SCLT1: variants seen among roughly 807,000 people sequenced by gnomAD.
SCLT1 encodes sodium channel-associated protein 1.
SCLT1 carries 78 observed loss-of-function variants against 112.8 expected under a neutral mutation model. The observed-to-expected ratio is 0.69, with a 90% CI of 0.58 to 0.83. SCLT1 has a LOEUF of 0.83. Ranked by LOEUF, SCLT1 falls within the 40% of genes least tolerant of loss-of-function variation. SCLT1 has a pLI of 0.00. For synonymous variants in SCLT1, 257 were observed against 254.7 expected (o/e 1.01, Z -0.09); for missense variants, 747 against 770.4 (o/e 0.97, Z 0.36).
At chr4:128,961,592 C>T (rs576330120) in intron 11 of SCLT1, among the ~76,000 whole-genome samples, 13 of 152,214 alleles carry the variant, frequency 8.5e-5, no homozygotes, top group African/African-American at 2.2e-4. Context: ...CACATCAAAA[C>T]CCTCTTCCTG....
intron 9 of SCLT1, among the ~76,000 whole-genome samples, chr4:128,991,535 C>A (rs1742568631): frequency 6.6e-6 from 1 of 151,530 alleles, no homozygotes; most frequent in Non-Finnish European, 1.5e-5. Flanking sequence ...AATAAAAAAA[C>A]CCACAGAATG....
chr4:128,942,223 T>C (rs1232031498), intron 17 of SCLT1, among the ~76,000 whole-genome samples: 1 of 152,090 alleles, frequency 6.6e-6, no homozygotes, highest in Non-Finnish European at 1.5e-5. Context: ...AGGCATTCAA[T>C]AAATTTATGT....
intron 18 of SCLT1, among the ~76,000 whole-genome samples, chr4:128,932,155 C>A (rs1388601318): frequency 6.6e-6 from 1 of 151,974 alleles, no homozygotes. Flanking sequence ...TAATTCATGA[C>A]AATAATAGAT....
intron 5 of SCLT1, 47 bp downstream of exon 5, chr4:129,038,994 T>C (rs765357111): frequency 2.4e-5 from 27 of 1,135,406 alleles, no homozygotes; most frequent in Non-Finnish European, 3.6e-5. Context: ...AAATAAAAGT[T>C]ACCTAAGACA....
chr4:128,933,557 T>A (rs1302785528), intron 18 of SCLT1, among the ~76,000 whole-genome samples: 3 of 152,098 alleles, frequency 2.0e-5, no homozygotes, highest in African/African-American at 7.2e-5. Flanking sequence ...TATCTTGTAC[T>A]CTCCTGTCCC....
At chr4:129,033,502 T>TAAAAAAAAAAAAA (rs56325033) in intron 5 of SCLT1, among the ~76,000 whole-genome samples, 6 of 44,310 alleles carry the variant, frequency 1.4e-4, no homozygotes, top group Non-Finnish European at 1.7e-4. Flanking sequence ...GAACTTAAAG[T>TAAAAAAAAAAAAA]AAAAAAAAAA....
At chr4:129,072,264 T>A (rs867368618) in intron 2 of SCLT1, among the ~76,000 whole-genome samples, 1 of 152,172 alleles carries the variant, frequency 6.6e-6, no homozygotes, top group Admixed American at 6.6e-5. Context: ...TAACTTTGGA[T>A]AACCTGATGA....
intron 5 of SCLT1, among the ~76,000 whole-genome samples, chr4:129,028,170 A>G (rs1319619419): frequency 6.6e-6 from 1 of 152,208 alleles, no homozygotes; most frequent in Non-Finnish European, 1.5e-5. Context: ...GAACTGGAAA[A>G]AACTACTTGA....
intron 5 of SCLT1, among the ~76,000 whole-genome samples, chr4:129,007,781 C>T (rs1744159984): frequency 6.6e-6 from 1 of 152,032 alleles, no homozygotes; most frequent in African/African-American, 2.4e-5. Flanking sequence ...TCCTATATGT[C>T]TTGACTTTAA....
intron 9 of SCLT1, among the ~76,000 whole-genome samples, chr4:128,974,826 CA>C (rs1433494448): frequency 6.6e-6 from 1 of 151,496 alleles, no homozygotes; most frequent in Non-Finnish European, 1.5e-5. Flanking sequence ...AACAGTTTAA[CA>C]AAAAAATTTT....
intron 18 of SCLT1, among the ~76,000 whole-genome samples, chr4:128,919,290 A>T (rs1281034562): frequency 6.6e-6 from 1 of 152,198 alleles, no homozygotes; most frequent in Non-Finnish European, 1.5e-5. Context: ...CATATGATTA[A>T]TGGAAATTAA....
intron 18 of SCLT1, among the ~76,000 whole-genome samples, chr4:128,928,524 C>T (rs193201186): frequency 2.1e-4 from 32 of 152,182 alleles, no homozygotes; most frequent in Admixed American, 2.0e-3. Context: ...TCACCCCAAA[C>T]AATGCAGCAA....
chr4:128,933,866 A>G (rs1056244066), intron 18 of SCLT1, among the ~76,000 whole-genome samples: 9 of 152,018 alleles, frequency 5.9e-5, no homozygotes, highest in Admixed American at 1.3e-4. Flanking sequence ...CACCACCATG[A>G]ATATTATTTC....
chr4:128,876,900 T>C (rs1187523319), intron 3 of SCLT1, among the ~76,000 whole-genome samples: 1 of 152,200 alleles, frequency 6.6e-6, no homozygotes, highest in African/African-American at 2.4e-5. Flanking sequence ...CACAGCCAAA[T>C]AGTGATCAAG....
chr4:129,083,712 T>C (rs952047045), intron 1 of SCLT1, among the ~76,000 whole-genome samples: 3 of 152,080 alleles, frequency 2.0e-5, no homozygotes, highest in African/African-American at 7.2e-5. Flanking sequence ...AAAATAAATT[T>C]TAAAGTATTT....
At position 129,037,074 on chromosome 4, in the gene SCLT1, A is replaced by G. The variant is rs550902973; in HGVS notation, c.290+1967T>C. ...AAATATAAGAGAAGATCTCTATGAC[A>G]TTAGGCTGAGAAAGGACTTCTTACA... On this transcript the variant is annotated intron_variant, in intron 5 of 20. Transcript: ENST00000281142. 8 of 152,024 alleles carry G rather than the reference A, an allele frequency of 5.3e-5. No individual in the cohort carries two copies. In the South Asian group the frequency reaches 1.5e-3, roughly 28 times the overall value. The allele number at this position is 152,024 out of a possible 1,614,324, so 9.4% of individuals were successfully genotyped here. A position where few individuals can be genotyped will look rare whatever the true frequency, so the allele number is the denominator to read the frequency against.
chr4:128,937,036 T>A (rs1393208349), intron 17 of SCLT1, among the ~76,000 whole-genome samples, 185 bp from the exon 18 acceptor site: 1 of 152,132 alleles, frequency 6.6e-6, no homozygotes, highest in Non-Finnish European at 1.5e-5. Flanking sequence ...CCCAGCACTT[T>A]GGGAGGCCAA....
Position 128,992,226 on chromosome 4 carries a change from C to T in SCLT1, c.627G>A (p.Gln209=), listed in dbSNP as rs1560936910. The T allele has an allele frequency of 6.3e-7, 1 of 1,597,110 alleles. No individual in the cohort carries two copies. Among genetic ancestry groups the T allele is most frequent in the Non-Finnish European group, 8.5e-7 (1 of 1,170,024 alleles). ...TNENMEVTNQ[Q]FLKTVTEQSV... The stretch of plus-strand genomic sequence containing the variant: ...TTTGTTCAGTTACTGTTTTCAGAAA[C>T]TGTTGGTTAGTCTGCCACAAGAAAA... Residue 209 remains glutamine (Q), a synonymous_variant, in exon 9 of 21, where the codon CAG becomes CAA. Transcript: ENST00000281142.
chr4:129,078,331 T>C (rs966714627), intron 2 of SCLT1, among the ~76,000 whole-genome samples: 3 of 152,170 alleles, frequency 2.0e-5, no homozygotes, highest in Non-Finnish European at 2.9e-5. Context: ...AAGTCAACCA[T>C]AGCTTTCCAC....
Sources: gnomAD v4.1 joint callset for allele counts (sites outside exome capture counted in the v4.1 genomes callset) on GRCh38, gnomAD v4.1.1 for gene constraint, MANE v1.5 for transcripts, NCBI Gene and HGNC (gene_info 2026-07-23, HGNC 2026-07-21) for gene names.